TSC22D2: variants seen among roughly 807,000 people sequenced by gnomAD.
TSC22D2 encodes the protein TSC22 domain family member 2, also known as TSC22 domain family protein 2.
Under a neutral mutation model 50.1 loss-of-function variants are expected in TSC22D2, and 5 were observed. The ratio of observed to expected loss-of-function variants is 0.10; its 90% CI spans 0.05 to 0.21. TSC22D2 has a LOEUF of 0.21. Among genes scored for constraint, TSC22D2 ranks in the 10% least tolerant of loss-of-function variants. TSC22D2 has a pLI of 1.00. For synonymous variants in TSC22D2, 501 were observed against 450.1 expected (o/e 1.11, Z -1.43); for missense variants, 1,003 against 1,015.5 (o/e 0.99, Z 0.17).
chr3:150,432,061 C>T (rs1720399002), intron 1 of TSC22D2, among the ~76,000 whole-genome samples: 1 of 152,138 alleles, frequency 6.6e-6, no homozygotes, highest in Non-Finnish European at 1.5e-5. Context: ...ATCTAAATCT[C>T]ATTATTCGAA....
intron 1 of TSC22D2, among the ~76,000 whole-genome samples, chr3:150,431,019 T>A (rs964826802): frequency 6.6e-6 from 1 of 151,870 alleles, no homozygotes; most frequent in Non-Finnish European, 1.5e-5. Context: ...CATCCTAACA[T>A]ATTATTTTAG....
intron 1 of TSC22D2, among the ~76,000 whole-genome samples, chr3:150,412,688 T>A (rs773203438): frequency 4.9e-4 from 74 of 152,212 alleles, no homozygotes; most frequent in Non-Finnish European, 6.5e-4. Context: ...TGAGCTCAGC[T>A]AGCTAGTCAT....
In TSC22D2 at chr3:150,409,776, A is replaced by C. The variant is rs1719441165; in HGVS notation, c.426A>C (p.Ser142=). 1.2e-6 allele frequency: 2 copies of C among 1,602,172 alleles called. No homozygotes were observed. The highest frequency in any genetic ancestry group is 8.5e-7 in the Non-Finnish European group (1 of 1,179,298). Residue 142 remains serine, a synonymous_variant, in exon 1 of 3, where the codon TCA becomes TCC. Coordinates refer to ENST00000688009, the MANE Select transcript of TSC22D2 (RefSeq NM_001303264.2). The surrounding 1 kb of genome is among the most constrained non-coding windows in gnomAD (Gnocchi z 7.4). ...CCGGCGGCCCCCAGCTCGCGGGCTC[A>C]TCCGCCGGGCCAGTGACTGCAGCCC... is the stretch of plus-strand genomic sequence containing the variant. ...GAPGGPQLAG[S]SAGPVTAAPS... is the part of the protein sequence containing the mutation.
Position 150,409,764 on chromosome 3 carries a change from G to A in TSC22D2, c.414G>A (p.Gln138=). 6.2e-7 allele frequency: 1 copy of A among 1,601,874 alleles called. No homozygotes were observed. The highest frequency in any genetic ancestry group is 8.5e-7 in the Non-Finnish European group (1 of 1,178,956). The change falls in exon 1 of 3, where the codon CAG becomes CAA. Residue 138 remains glutamine (Q), a synonymous_variant. Coordinates refer to ENST00000688009, the MANE Select transcript of TSC22D2 (RefSeq NM_001303264.2). The surrounding 1 kb of genome is among the most constrained non-coding windows in gnomAD (Gnocchi z 7.4). ...APAPGAPGGP[Q]LAGSSAGPVT... ...CCCCCGGAGCACCCGGCGGCCCCCA[G>A]CTCGCGGGCTCATCCGCCGGGCCAG...
intron 1 of TSC22D2, among the ~76,000 whole-genome samples, chr3:150,422,749 A>C (rs1317231730): frequency 6.6e-6 from 1 of 152,190 alleles, no homozygotes; most frequent in Non-Finnish European, 1.5e-5. Context: ...TAGGCTATGA[A>C]TTTGTCACAT....
At position 150,410,034 on chromosome 3, in the gene TSC22D2, A is replaced by G; in HGVS notation, c.684A>G (p.Val228=). 1 of 1,613,312 alleles carries G rather than the reference A, an allele frequency of 6.2e-7. No individual in the cohort carries two copies. The highest frequency in any genetic ancestry group is 1.1e-5 in the South Asian group (1 of 91,080). ...CCACCGGAGGGTCGGTGGTGGTAGT[A>G]GTGGCCTCCATGCAGGGGGCGCACG... ...LGATGGSVVV[V]VASMQGAHGP... Residue 228 remains valine (V), a synonymous_variant, in exon 1 of 3, where the codon GTA becomes GTG. Transcript: ENST00000688009.
Position 150,410,988 on chromosome 3 carries a change from A to C in TSC22D2, c.1638A>C (p.Pro546=). The C allele has an allele frequency of 1.2e-5, 20 of 1,614,226 alleles. No homozygotes were observed. Among genetic ancestry groups the C allele is most frequent in the Non-Finnish European group, 1.7e-5 (20 of 1,180,036 alleles). ...CGCAACAGCTGAGCAGCCATACGCC[A>C]GTCAGCAGGAGCAGCAGCATAATCC... ...AQSQQLSSHT[P]VSRSSSIIQH... Residue 546 remains proline, a synonymous_variant, in exon 1 of 3, where the codon CCA becomes CCC. Coordinates refer to ENST00000688009, the MANE Select transcript of TSC22D2 (RefSeq NM_001303264.2).
At chr3:150,451,899 A>G (rs1033573354) in intron 1 of TSC22D2, among the ~76,000 whole-genome samples, 1 of 152,144 alleles carries the variant, frequency 6.6e-6, no homozygotes, top group Non-Finnish European at 1.5e-5. Flanking sequence ...TTTTAGAGAC[A>G]GATCTGGCTC....
intron 1 of TSC22D2, among the ~76,000 whole-genome samples, chr3:150,448,288 C>T (rs77739576): frequency 2.0e-5 from 3 of 152,204 alleles, no homozygotes; most frequent in African/African-American, 7.2e-5. Context: ...CCAACCTGGG[C>T]AACAGGGTGA....
intron 1 of TSC22D2, among the ~76,000 whole-genome samples, chr3:150,441,441 G>T (rs185358002): frequency 1.4e-4 from 21 of 152,192 alleles, no homozygotes; most frequent in African/African-American, 4.8e-4. Context: ...CATTTGGCAG[G>T]CTTTCCCTTC....
At position 150,458,357 on chromosome 3, in the gene TSC22D2, C is replaced by T; in HGVS notation, c.2011-19C>T. 1.2e-6 allele frequency: 2 copies of T among 1,604,360 alleles called. No individual in the cohort carries two copies. The highest frequency in any genetic ancestry group is 2.2e-5 in the South Asian group (2 of 89,256). ...TTATCTTTTCACTCTTTTGACATTC[C>T]TAATTTTGTTTTTCACAGGATCTGG... On this transcript the variant is annotated intron_variant, in intron 2 of 2. Transcript: ENST00000688009.
intron 1 of TSC22D2, among the ~76,000 whole-genome samples, chr3:150,417,225 G>A (rs1403196760): frequency 6.6e-6 from 1 of 152,068 alleles, no homozygotes; most frequent in Non-Finnish European, 1.5e-5. Context: ...AATAATGATG[G>A]CATAGTTTTA....
intron 2 of TSC22D2, among the ~76,000 whole-genome samples, chr3:150,457,535 C>G (rs1005470059): frequency 6.6e-6 from 1 of 152,144 alleles, no homozygotes; most frequent in African/African-American, 2.4e-5. Flanking sequence ...TGGATTGTGT[C>G]TGTAATCCCA....
rs577845019 is a variant in TSC22D2, at chr3:150,412,043, G to A, written c.1958+735G>A. Among the ~76,000 whole-genome samples, 4 of 152,152 alleles carry A rather than the reference G, an allele frequency of 2.6e-5. No individual in the cohort carries two copies. The East Asian group carries it at 7.7e-4, about 29-fold the overall frequency. ...AAAGCTATAGTTCTTGAAATTAAGA[G>A]TAATTTTATAATAAAAGTGTAAATG... On this transcript the variant is annotated intron_variant, in intron 1 of 2. Transcript: ENST00000688009.
intron 1 of TSC22D2, among the ~76,000 whole-genome samples, chr3:150,445,068 A>C (rs1399978412): frequency 6.6e-6 from 1 of 152,074 alleles, no homozygotes; most frequent in Non-Finnish European, 1.5e-5. Flanking sequence ...GAATTAAATT[A>C]GTTATATTTC....
rs1721364531 is a variant in TSC22D2, at chr3:150,460,560, A to C, written c.*1924A>C. ...AGTTGTGCTGCAAGACATTGAACAA[A>C]ATGTTAATGAATAACATTATAAATC... On this transcript the variant is annotated 3_prime_UTR_variant, in exon 3 of 3. Transcript: ENST00000688009. 6.6e-6 allele frequency: 1 copy of C among 152,198 alleles called. No homozygotes were observed. The highest frequency in any genetic ancestry group is 2.4e-5 in the African/African-American group (1 of 41,444). The allele number at this position is 152,198 out of a possible 1,614,324, so 9.4% of individuals were successfully genotyped here. A position where few individuals can be genotyped will look rare whatever the true frequency, so the allele number is the denominator to read the frequency against.
rs35772819 is a variant in TSC22D2 at position 150,410,635 on chromosome 3, G to A, written c.1285G>A (p.Ala429Thr). 2.8e-5 allele frequency: 43 copies of A among 1,553,374 alleles called. No individual in the cohort carries two copies. In the African/African-American group the frequency reaches 3.7e-4, roughly 13 times the overall value. The stretch of plus-strand genomic sequence containing the variant: ...CTCGGTGGGCGCGCAGCTCATGGGC[G>A]CGTCTTCCCAGCCCAGCGAAGCCAT... ...ASSVGAQLMG[A>T]SSQPSEAMAP... The change falls in exon 1 of 3, where the codon GCG becomes ACG. Residue 429 changes from alanine (A) to threonine (T), a missense_variant. Ala to Thr is a moderately conservative substitution (Grantham distance 58). Coordinates refer to ENST00000688009, the MANE Select transcript of TSC22D2 (RefSeq NM_001303264.2).
chr3:150,409,641 G>A lies in TSC22D2; in HGVS notation c.291G>A (p.Ala97=), dbSNP rs982095166. Residue 97 remains alanine (A), a synonymous_variant, in exon 1 of 3, where the codon GCG becomes GCA. Transcript: ENST00000688009. This position sits in a 1 kb window ranked among gnomAD's most constrained non-coding sequence, Gnocchi z 7.4. ...NLLLDGQLAA[A]AAAPANGGGV... ...TCCTAGATGGGCAGCTGGCAGCGGC[G>A]GCTGCTGCTCCCGCCAACGGAGGAG... The A allele has an allele frequency of 1.2e-6, 2 of 1,607,824 alleles. No homozygotes were observed. The highest frequency in any genetic ancestry group is 2.2e-5 in the South Asian group (2 of 90,636).
chr3:150,432,690 C>T (rs772076487), intron 1 of TSC22D2, among the ~76,000 whole-genome samples: 20 of 151,810 alleles, frequency 1.3e-4, no homozygotes, highest in Admixed American at 2.6e-4. Context: ...TTTAGGGTTT[C>T]GTCATTGTTG....
Sources: gnomAD v4.1 joint callset for allele counts (sites outside exome capture counted in the v4.1 genomes callset) on GRCh38, gnomAD v4.1.1 for gene constraint, Gnocchi (gnomAD v3.1) non-coding constraint, MANE v1.5 for transcripts, NCBI Gene and HGNC (gene_info 2026-07-23, HGNC 2026-07-21) for gene names.